ACSM5: variants seen among roughly 807,000 people sequenced by gnomAD.
The protein encoded by ACSM5 is acyl-coenzyme A synthetase ACSM5, mitochondrial.
Under a neutral mutation model 71.6 loss-of-function variants are expected in ACSM5, and 56 were observed. The observed-to-expected ratio is 0.78, with a 90% CI of 0.63 to 0.98. The LOEUF (loss-of-function observed/expected upper bound fraction) is 0.98. Among genes scored for constraint, ACSM5 ranks in the 50% least tolerant of loss-of-function variants. The pLI is 0.00. For synonymous variants in ACSM5, 285 were observed against 281.5 expected (o/e 1.01, Z -0.12); for missense variants, 723 against 726.0 (o/e 1.00, Z 0.05).
At position 20,435,378 on chromosome 16, in the gene ACSM5, G is replaced by A. The variant is rs189194994; in HGVS notation, c.1309-1674G>A. Among the ~76,000 whole-genome samples the A allele has an allele frequency of 9.8e-5, 15 of 152,292 alleles. No individual in the cohort carries two copies. In the East Asian group the frequency reaches 2.5e-3, roughly 25 times the overall value. Reference sequence around the variant, plus strand: ...TTATTTATATCTTCTTTAATGTTGTGTAGAGTTTTAAGTTTTCTCCATACA... The same window carrying A: ...TTATTTATATCTTCTTTAATGTTGTATAGAGTTTTAAGTTTTCTCCATACA... On this transcript the variant is annotated intron_variant, in intron 10 of 13. Transcript: ENST00000331849.
rs1165393150 is a variant in ACSM5 at position 20,421,646 on chromosome 16, TATATATATATACAC to T, written c.767+247_767+260del. On this transcript the variant is annotated intron_variant, in intron 5 of 13. Coordinates refer to ENST00000331849, the MANE Select transcript of ACSM5 (RefSeq NM_017888.3). ...ATATATATATATATATATATATATA[TATATATATATACAC>T]ACACACATATATATACATACATACA... Among the ~76,000 whole-genome samples, 26 of 127,488 alleles carry T rather than the reference TATATATATATACAC, an allele frequency of 2.0e-4. 1 individual carries two copies. The highest frequency in any genetic ancestry group is 6.8e-4 in the African/African-American group (22 of 32,146). 83.6% of individuals were successfully genotyped at this position (127,488 alleles called of 152,430 possible).
At chr16:20,417,995 C>A (rs551180157) in intron 2 of ACSM5, 64 bp from the exon 3 acceptor site, 3 of 1,484,334 alleles carry the variant, frequency 2.0e-6, no homozygotes, top group African/African-American at 2.8e-5. Flanking sequence ...CATTAAACAG[C>A]AACAAGCAAA....
Position 20,439,922 on chromosome 16 carries a change from A to G in ACSM5, c.1656+3A>G, listed in dbSNP as rs1412647651. 8.1e-6 allele frequency: 13 copies of G among 1,611,926 alleles called. No individual in the cohort carries two copies. Among genetic ancestry groups the G allele is most frequent in the Non-Finnish European group, 1.1e-5 (13 of 1,178,568 alleles). ...CTCCATACAAATACCCCAGGAAGGT[A>G]AATATCAGGGTTTCCAGGGCACAGT... is the stretch of plus-strand genomic sequence containing the variant. On this transcript the variant is annotated splice_donor_region_variant and intron_variant, in intron 13 of 13. Transcript: ENST00000331849.
In ACSM5 at chr16:20,419,384, T is replaced by C. The variant is rs1444791718; in HGVS notation, c.572T>C (p.Leu191Pro). ...TGCCCCTCCCTCCAGACCAAGCTGC[T>C]GGTGTCAGACAGCAGTCGGCCAGGC... ...AECPSLQTKL[L>P]VSDSSRPGWL... The change falls in exon 4 of 14, where the codon CTG becomes CCG. Residue 191 changes from leucine (L) to proline (P), a missense_variant. Transcript: ENST00000331849. 1 of 1,614,066 alleles carries C rather than the reference T, an allele frequency of 6.2e-7. No individual in the cohort carries two copies. The highest frequency in any genetic ancestry group is 1.3e-5 in the African/African-American group (1 of 74,942).
chr16:20,421,425 G>A (rs150039918), intron 5 of ACSM5, 24 bp downstream of exon 5: 46 of 1,550,854 alleles, frequency 3.0e-5, no homozygotes, highest in Middle Eastern at 2.2e-4. Context: ...TTGTCTAGAG[G>A]ATCCAAGAAC....
chr16:20,418,370 A>G, intron 3 of ACSM5, 101 bp downstream of exon 3: 2 of 1,194,634 alleles, frequency 1.7e-6, no homozygotes, highest in East Asian at 2.6e-5. Flanking sequence ...AATAAACTGT[A>G]TGTGGAGTTG....
chr16:20,421,611 G>T (rs1966881626), intron 5 of ACSM5, among the ~76,000 whole-genome samples: 1 of 69,720 alleles, frequency 1.4e-5, no homozygotes, highest in African/African-American at 5.4e-5. Context: ...TTTTTAAATC[G>T]TGGCTATATA....
intron 5 of ACSM5, among the ~76,000 whole-genome samples, chr16:20,422,581 G>A (rs1201957529): frequency 6.6e-6 from 1 of 152,136 alleles, no homozygotes; most frequent in Admixed American, 6.5e-5. Context: ...TGGATCATAT[G>A]GTAATTCTAT....
intron 12 of ACSM5, among the ~76,000 whole-genome samples, chr16:20,439,256 G>T (rs992326412): frequency 1.1e-4 from 14 of 127,538 alleles, no homozygotes; most frequent in Admixed American, 9.0e-4. Flanking sequence ...CAGGAAAGTT[G>T]TGGGCAGAGA....
chr16:20,424,896 G>A (rs140020450), intron 6 of ACSM5, among the ~76,000 whole-genome samples: 6,788 of 152,226 alleles, frequency 0.045, 160 homozygotes, highest in South Asian at 0.06. Context: ...ATATTTATGG[G>A]GTACATGAGA....
At chr16:20,411,194 T>A (rs1187861218) in intron 1 of ACSM5, among the ~76,000 whole-genome samples, 2 of 152,200 alleles carry the variant, frequency 1.3e-5, no homozygotes, top group Non-Finnish European at 1.5e-5. Flanking sequence ...GAGGGATTCC[T>A]TTTGAAGTAT....
chr16:20,417,524 A>G (rs1966859244), intron 2 of ACSM5, among the ~76,000 whole-genome samples: 2 of 152,220 alleles, frequency 1.3e-5, no homozygotes, highest in Admixed American at 6.5e-5. Flanking sequence ...CAGAAAGCAG[A>G]TAAGTGATAA....
intron 10 of ACSM5, among the ~76,000 whole-genome samples, chr16:20,436,433 C>A (rs1967201889): frequency 6.6e-6 from 1 of 152,116 alleles, no homozygotes; most frequent in Non-Finnish European, 1.5e-5. Flanking sequence ...TGCAGTGGCA[C>A]AATCTCAGCT....
At chr16:20,416,802 G>C (rs947331480) in intron 2 of ACSM5, among the ~76,000 whole-genome samples, 6 of 152,034 alleles carry the variant, frequency 3.9e-5, no homozygotes, top group Non-Finnish European at 7.4e-5. Flanking sequence ...TCACATATTG[G>C]TTAAGGGTCT....
At chr16:20,435,121 C>T (rs1967166844) in intron 10 of ACSM5, among the ~76,000 whole-genome samples, 1 of 152,188 alleles carries the variant, frequency 6.6e-6, no homozygotes, top group African/African-American at 2.4e-5. Context: ...CAGCCTCCGC[C>T]TCTCGGGTTC....
At chr16:20,430,803 A>G in intron 8 of ACSM5, among the ~76,000 whole-genome samples, 190 bp from the exon 9 acceptor site, 1 of 143,922 alleles carries the variant, frequency 6.9e-6, no homozygotes, top group African/African-American at 2.5e-5. Flanking sequence ...GCAAGGAAGA[A>G]AAAAGAAAAG....
chr16:20,435,011 C>T (rs1187245275), intron 10 of ACSM5, among the ~76,000 whole-genome samples: 1 of 152,092 alleles, frequency 6.6e-6, no homozygotes, highest in Non-Finnish European at 1.5e-5. Flanking sequence ...GGATAATTGA[C>T]ATCTCTATTA....
At chr16:20,411,808 G>C (rs76205707) in intron 2 of ACSM5, 120 bp downstream of exon 2, 80 of 1,033,928 alleles carry the variant, frequency 7.7e-5, no homozygotes, top group East Asian at 2.6e-4. Flanking sequence ...AATTTTGCTA[G>C]TTCTAAAATG....
At chr16:20,428,589 C>A (rs1200797202) in intron 7 of ACSM5, among the ~76,000 whole-genome samples, 8 of 152,218 alleles carry the variant, frequency 5.3e-5, no homozygotes, top group Non-Finnish European at 1.2e-4. Flanking sequence ...GTCCTCTCAT[C>A]TTTCCTAATC....
Sources: allele counts gnomAD v4.1 joint callset (sites outside exome capture counted in the v4.1 genomes callset), GRCh38; gene constraint gnomAD v4.1.1; transcripts MANE v1.5; gene names NCBI Gene and HGNC (gene_info 2026-07-23, HGNC 2026-07-21).